PCDHA9: variants seen among roughly 807,000 people sequenced by gnomAD.
PCDHA9 encodes the protein protocadherin alpha-9.
In PCDHA9, 62 loss-of-function variants were observed where a neutral mutation model predicts 62.0. The ratio of observed to expected loss-of-function variants is 1.00; its 90% CI spans 0.81 to 1.23. The LOEUF is 1.23. PCDHA9 is among the 50% of genes most tolerant of loss of function. PCDHA9 has a pLI of 0.00. For synonymous variants in PCDHA9, 557 were observed against 567.6 expected, an observed-to-expected ratio of 0.98 and a Z score of 0.27; for missense variants, 1,205 against 1,249.8, an observed-to-expected ratio of 0.96 and a Z score of 0.54.
chr5:140,869,030 T>C (rs1049032233), intron 1 of PCDHA9: 5 of 1,526,396 alleles, frequency 3.3e-6, no homozygotes, highest in Non-Finnish European at 4.4e-6. Flanking sequence ...TTCAACGAGA[T>C]TTTTAACCTG....
chr5:140,849,973 C>T lies in PCDHA9; in HGVS notation c.1478C>T (p.Ser493Leu). The change falls in exon 1 of 4, where the codon TCG (serine) becomes TTG (leucine). Residue 493 changes from serine to leucine, a missense_variant. By Grantham distance (145) the Ser-to-Leu change is moderately radical. Around this residue, in one of 3 missense-constraint regions of PCDHA9, gnomAD observed 887 missense variants for 809.5 expected, o/e 1.10. Coordinates refer to ENST00000532602, the MANE Select transcript of PCDHA9 (RefSeq NM_031857.2). ...DAQENALVSY[S>L]LVERRLGERS... is the part of the protein sequence containing the mutation. ...CAGGAGAACGCCCTGGTGTCCTACTCGCTGGTGGAGCGGCGGTTGGGCGAG... is the reference window on the plus strand; with the variant it reads ...CAGGAGAACGCCCTGGTGTCCTACTTGCTGGTGGAGCGGCGGTTGGGCGAG... 1 of 1,597,728 alleles carries T rather than the reference C, an allele frequency of 6.3e-7. No homozygotes were observed.
At chr5:140,853,227 T>C in intron 1 of PCDHA9, 1 of 983,234 alleles carries the variant, frequency 1.0e-6, no homozygotes, top group Non-Finnish European at 1.2e-6. Context: ...GATTGGTAAT[T>C]TAGTCCTTCA....
chr5:140,854,596 A>G (rs1426256620), intron 1 of PCDHA9: 1 of 150,040 alleles, frequency 6.7e-6, no homozygotes, highest in Non-Finnish European at 1.5e-5. Flanking sequence ...AAAAGTTTAA[A>G]GTAATTGACA....
rs374659815 is a variant in PCDHA9 at position 140,871,353 on chromosome 5, G to A, written c.2394+20464G>A. 3.6e-5 allele frequency: 58 copies of A among 1,614,214 alleles called. No homozygotes were observed. The African/African-American group carries it at 5.1e-4, about 14-fold the overall frequency. ...GCGCGGTGGGGAGCTGGTCATACTC[G>A]CAGCAGAGGCGGCAGAGGGTGTGCT... On this transcript the variant is annotated intron_variant, in intron 1 of 3. Coordinates refer to ENST00000532602, the MANE Select transcript of PCDHA9 (RefSeq NM_031857.2).
chr5:140,855,175 T>C (rs1554147660), intron 1 of PCDHA9, among the ~76,000 whole-genome samples: 1 of 149,898 alleles, frequency 6.7e-6, no homozygotes, highest in African/African-American at 2.4e-5. Context: ...TGAAAACAAA[T>C]GTGGCCAAAT....
intron 3 of PCDHA9, among the ~76,000 whole-genome samples, chr5:140,989,687 G>A (rs956131200): frequency 2.0e-4 from 31 of 152,176 alleles, no homozygotes; most frequent in African/African-American, 6.3e-4. Flanking sequence ...TCAAAGGAAC[G>A]TGAAAATTTT....
chr5:140,904,287 G>A (rs2071024041), intron 1 of PCDHA9, among the ~76,000 whole-genome samples: 1 of 151,908 alleles, frequency 6.6e-6, no homozygotes, highest in Non-Finnish European at 1.5e-5. Context: ...TGTGGTGTTT[G>A]GTTTTCCATT....
intron 1 of PCDHA9, among the ~76,000 whole-genome samples, chr5:140,875,022 C>A (rs1267699693): frequency 1.3e-5 from 2 of 152,116 alleles, no homozygotes; most frequent in Non-Finnish European, 2.9e-5. Context: ...TAGGTTCTGG[C>A]CTACTGTATT....
chr5:140,849,959 C>G lies in PCDHA9; in HGVS notation c.1464C>G (p.Ala488=), dbSNP rs2150460444. The change falls in exon 1 of 4, where the codon GCC becomes GCG. Residue 488 remains alanine (A), a synonymous_variant. Transcript: ENST00000532602. The part of the protein sequence containing the change: ...SARDADAQEN[A]LVSYSLVERR... ...GGGACGCTGACGCGCAGGAGAACGC[C>G]CTGGTGTCCTACTCGCTGGTGGAGC... 52 of 1,597,872 alleles carry G rather than the reference C, an allele frequency of 3.3e-5. 2 individuals are homozygous for G. Among genetic ancestry groups the G allele is most frequent in the African/African-American group, 2.7e-4 (20 of 74,536 alleles).
Position 140,940,419 on chromosome 5 carries a change from A to G in PCDHA9, c.2395-38530A>G, listed in dbSNP as rs890018340. Among the ~76,000 whole-genome samples, 3 of 152,002 alleles carry G rather than the reference A, an allele frequency of 2.0e-5. No homozygotes were observed. The East Asian group carries it at 5.8e-4, about 29-fold the overall frequency. ...GTTTTTCATTTTAAAAATTATAATT[A>G]TTACTGATCAAGTCTGCCATGATAT... On this transcript the variant is annotated intron_variant, in intron 1 of 3. Transcript: ENST00000532602.
Position 140,850,631 on chromosome 5 carries a change from T to A in PCDHA9, c.2136T>A (p.Val712=), listed in dbSNP as rs2150491599. The stretch of plus-strand genomic sequence containing the variant: ...TCTGCGCGGTGTCTAGCCTGTTGGT[T>A]CTCACGCTGCTGCTGTACACTGTGC... ...IAICAVSSLL[V]LTLLLYTVLR... is the part of the protein sequence containing the mutation. Residue 712 remains valine (V), a synonymous_variant, in exon 1 of 4, where the codon GTT becomes GTA. Transcript: ENST00000532602. 1 of 1,598,518 alleles carries A rather than the reference T, an allele frequency of 6.3e-7. No homozygotes were observed. Among genetic ancestry groups the A allele is most frequent in the South Asian group, 1.1e-5 (1 of 90,560 alleles).
At chr5:140,860,381 A>C (rs550712376) in intron 1 of PCDHA9, 4 of 152,246 alleles carry the variant, frequency 2.6e-5, no homozygotes, top group African/African-American at 9.6e-5. Context: ...ACCCTATTTC[A>C]AAAATTGAAA....
intron 1 of PCDHA9, chr5:140,871,170 G>A (rs2052777446): frequency 1.2e-6 from 2 of 1,613,536 alleles, no homozygotes; most frequent in Non-Finnish European, 1.7e-6. Context: ...CGAGCCCAGA[G>A]GCTGCGCTGG....
intron 1 of PCDHA9, chr5:140,968,888 CTAA>C: frequency 6.2e-7 from 1 of 1,614,210 alleles, no homozygotes; most frequent in Non-Finnish European, 8.5e-7. Context: ...TACCCTTTAT[CTAA>C]TAATAGCATT....
At position 140,856,129 on chromosome 5, in the gene PCDHA9, C is replaced by G. The variant is rs149039484; in HGVS notation, c.2394+5240C>G. ...TCCTCGCAGCCTGGGAGGTGGGGAG[C>G]GGCCAGCTCCACTACTCAGTCTACG... On this transcript the variant is annotated intron_variant, in intron 1 of 3. Transcript: ENST00000532602. The G allele has an allele frequency of 2.3e-5, 36 of 1,597,980 alleles. 3 individuals are homozygous for G. Among genetic ancestry groups the G allele is most frequent in the African/African-American group, 2.7e-5 (2 of 74,256 alleles).
intron 1 of PCDHA9, chr5:140,856,218 A>C: frequency 6.3e-7 from 1 of 1,597,930 alleles, no homozygotes; most frequent in Non-Finnish European, 8.6e-7. Flanking sequence ...GAGCTGGCGG[A>C]GCTGGTGCAG....
intron 1 of PCDHA9, among the ~76,000 whole-genome samples, chr5:140,897,495 A>G (rs1208374175): frequency 1.2e-4 from 19 of 152,006 alleles, no homozygotes; most frequent in Admixed American, 9.8e-4. Flanking sequence ...AATTTCAACC[A>G]TGTCCCTACA....
At chr5:140,996,094 T>C (rs1428375932) in intron 3 of PCDHA9, among the ~76,000 whole-genome samples, 1 of 152,192 alleles carries the variant, frequency 6.6e-6, no homozygotes, top group Non-Finnish European at 1.5e-5. Flanking sequence ...CTAGATTACA[T>C]GGAATGGTAT....
intron 1 of PCDHA9, chr5:140,856,276 A>C (rs1554148470): frequency 6.3e-7 from 1 of 1,598,372 alleles, no homozygotes; most frequent in Admixed American, 1.7e-5. Context: ...TTCTGGAGGT[A>C]AATCTGCAGA....
Sources: allele counts gnomAD v4.1 joint callset (sites outside exome capture counted in the v4.1 genomes callset), GRCh38; gene constraint gnomAD v4.1.1; regional missense constraint gnomAD v4.1.1; transcripts MANE v1.5; gene names NCBI Gene and HGNC (gene_info 2026-07-23, HGNC 2026-07-21).